The following STX5 variants were observed in gnomAD, a reference collection of about 807,000 sequenced individuals.
STX5 encodes syntaxin-5.
A neutral mutation model predicts 42.9 loss-of-function variants in STX5; 15 were observed. That is an observed-to-expected ratio of 0.35 (90% confidence interval 0.23 to 0.54). The LOEUF is 0.54. Ranked by LOEUF, STX5 falls within the 20% of genes least tolerant of loss-of-function variation. STX5 has a pLI of 0.91. For synonymous variants in STX5, 184 were observed against 173.2 expected, an observed-to-expected ratio of 1.06 and a Z score of -0.49; for missense variants, 430 against 455.0, an observed-to-expected ratio of 0.95 and a Z score of 0.50.
At chr11:62,829,293 G>A (rs1362004557) in intron 2 of STX5, among the ~76,000 whole-genome samples, 2 of 150,260 alleles carry the variant, frequency 1.3e-5, no homozygotes, top group Non-Finnish European at 3.0e-5. Flanking sequence ...GCATGGTGGC[G>A]CATGTCTGTA....
At chr11:62,824,375 G>A in intron 9 of STX5, 84 bp downstream of exon 9, 1 of 1,611,898 alleles carries the variant, frequency 6.2e-7, no homozygotes, top group Non-Finnish European at 8.5e-7. Context: ...TTGCCATTCT[G>A]CCCATGGCAC....
Position 62,807,264 on chromosome 11 carries a change from G to T in STX5, c.*205C>A, listed in dbSNP as rs11557825. On this transcript the variant is annotated 3_prime_UTR_variant, in exon 11 of 11. Transcript: ENST00000294179. ...AGAGTTCAAATCTAGAACCCTGTGT[G>T]TTTCATAGGCCTGAGGGTGGTGGGG... 1.5e-6 allele frequency: 1 copy of T among 688,962 alleles called. No homozygotes were observed. The highest frequency in any genetic ancestry group is 2.3e-6 in the Non-Finnish European group (1 of 439,550). 42.7% of individuals were successfully genotyped at this position (688,962 alleles called of 1,614,324 possible).
chr11:62,808,043 A>C (rs2084572361), intron 10 of STX5: 3 of 163,366 alleles, frequency 1.8e-5, no homozygotes, highest in African/African-American at 4.8e-5. Flanking sequence ...TGTAAGGGGA[A>C]AAATGTTCAC....
chr11:62,807,853 A>G, intron 10 of STX5: 3 of 764,412 alleles, frequency 3.9e-6, no homozygotes, highest in Non-Finnish European at 5.9e-6. Context: ...TCTAACTTCA[A>G]GCTTCATTTT....
intron 5 of STX5, among the ~76,000 whole-genome samples, chr11:62,826,305 C>T (rs1349836269): frequency 6.6e-6 from 1 of 151,288 alleles, no homozygotes; most frequent in Non-Finnish European, 1.5e-5. Flanking sequence ...CGCCTGTAAT[C>T]CCATCACTTT....
rs760423860 is a variant in STX5 at position 62,831,138 on chromosome 11, T to C, written c.106A>G (p.Ser36Gly). ...GGGGGGGGCAGAGGGGCGATGTCGCTGCTGCTACTGCCAGCAGTTGCAGGG... is the reference window on the plus strand; with the variant it reads ...GGGGGGGGCAGAGGGGCGATGTCGCCGCTGCTACTGCCAGCAGTTGCAGGG... ...LSPATAGSSS[S>G]DIAPLPPPVT... is the part of the protein sequence containing the mutation. The change falls in exon 2 of 11, where the codon AGC becomes GGC. Residue 36 changes from serine (S) to glycine (G), a missense_variant. Ser to Gly is a moderately conservative substitution (Grantham distance 56, BLOSUM62 0). Coordinates refer to ENST00000294179, the MANE Select transcript of STX5 (RefSeq NM_003164.5). The C allele has an allele frequency of 3.2e-6, 5 of 1,556,582 alleles. No individual in the cohort carries two copies. The South Asian group carries it at 4.7e-5, about 15-fold the overall frequency.
intron 10 of STX5, among the ~76,000 whole-genome samples, chr11:62,808,508 G>C (rs1183607337): frequency 6.6e-6 from 1 of 152,036 alleles, no homozygotes; most frequent in Non-Finnish European, 1.5e-5. Flanking sequence ...CAGCACTTTG[G>C]TAGGCCCAGG....
intron 10 of STX5, among the ~76,000 whole-genome samples, chr11:62,818,474 A>C (rs1174222688): frequency 2.6e-5 from 4 of 151,394 alleles, no homozygotes; most frequent in African/African-American, 7.3e-5. Flanking sequence ...AGGCACAAGA[A>C]TCACTTGAAT....
At chr11:62,814,010 A>AT (rs2084645744) in intron 10 of STX5, among the ~76,000 whole-genome samples, 1 of 151,862 alleles carries the variant, frequency 6.6e-6, no homozygotes, top group South Asian at 2.1e-4. Flanking sequence ...ACATACCTTT[A>AT]TTTTCTCTCA....
rs779072520 is a variant in STX5, at chr11:62,827,673, T to C, written c.226-42A>G. Reference sequence around the variant, plus strand: ...GGAGGTGACAACTTTAGTTCTCCCTTCCCCAGTTCCAGCTTTCACTCTTCC... The same window carrying C: ...GGAGGTGACAACTTTAGTTCTCCCTCCCCCAGTTCCAGCTTTCACTCTTCC... On this transcript the variant is annotated intron_variant, in intron 2 of 10. Coordinates refer to ENST00000294179, the MANE Select transcript of STX5 (RefSeq NM_003164.5). The C allele has an allele frequency of 6.2e-6, 10 of 1,608,566 alleles. No individual in the cohort carries two copies. The South Asian group carries it at 9.9e-5, about 16-fold the overall frequency.
At chr11:62,814,513 A>C (rs2084652075) in intron 10 of STX5, among the ~76,000 whole-genome samples, 1 of 149,956 alleles carries the variant, frequency 6.7e-6, no homozygotes, top group South Asian at 2.1e-4. Flanking sequence ...CCCAGGCTGG[A>C]GTGCAACGGC....
chr11:62,828,348 C>A (rs560602781), intron 2 of STX5, among the ~76,000 whole-genome samples: 3 of 152,074 alleles, frequency 2.0e-5, no homozygotes, highest in Non-Finnish European at 4.4e-5. Context: ...CCTAGGCTCA[C>A]GCAATCCTCC....
intron 10 of STX5, among the ~76,000 whole-genome samples, chr11:62,814,210 G>A (rs1398189773): frequency 6.6e-6 from 1 of 152,106 alleles, no homozygotes; most frequent in Non-Finnish European, 1.5e-5. Flanking sequence ...TTGTTGCTCA[G>A]GATGAAGTGC....
intron 10 of STX5, among the ~76,000 whole-genome samples, chr11:62,818,565 G>GAA (rs1307603732): frequency 4.3e-5 from 4 of 92,754 alleles, no homozygotes; most frequent in Non-Finnish European, 6.6e-5. Context: ...CTCTGTCTCA[G>GAA]AAAAAAAAAA....
intron 5 of STX5, among the ~76,000 whole-genome samples, 156 bp from the exon 6 acceptor site, chr11:62,825,695 T>G (rs189503079): frequency 5.3e-5 from 8 of 152,258 alleles, no homozygotes; most frequent in Non-Finnish European, 7.4e-5. Flanking sequence ...CTGCTAGGAT[T>G]TTCCAAGGTC....
rs762114304 is a variant in STX5, at chr11:62,824,493, CGA to C, written c.750_751del (p.Arg251AspfsTer9). The C allele has an allele frequency of 6.2e-7, 1 of 1,614,030 alleles. No individual in the cohort carries two copies. Among genetic ancestry groups the C allele is most frequent in the African/African-American group, 1.3e-5 (1 of 74,932 alleles). On this transcript the variant is annotated frameshift_variant, in exon 9 of 11. Transcript: ENST00000294179. LOFTEE classifies it high-confidence loss of function. ...AATGAGCTGCAGCTGCTGGCTGGTCCGAGAGTCCATCATGTCGATGGCGACAT... is the reference window on the plus strand; with the variant it reads ...AATGAGCTGCAGCTGCTGGCTGGTCCGAGTCCATCATGTCGATGGCGACAT...
chr11:62,819,492 T>TA (rs1189999408), intron 10 of STX5, among the ~76,000 whole-genome samples: 6 of 152,022 alleles, frequency 3.9e-5, no homozygotes, highest in African/African-American at 7.2e-5. Context: ...GTCTTCCTCT[T>TA]AATTTCTTTA....
rs566334753 is a variant in STX5 at position 62,814,362 on chromosome 11, T to C, written c.909-6734A>G. Among the ~76,000 whole-genome samples, 885 of 152,258 alleles carry C rather than the reference T, an allele frequency of 5.8e-3. 8 individuals are homozygous for C. The highest frequency in any genetic ancestry group is 7.8e-3 in the Non-Finnish European group (533 of 68,018). ...TTTTTGGCAGAGATGGGTTTCACCA[T>C]GTTGATCAGCCTGGTCTCGAACTCC... On this transcript the variant is annotated intron_variant, in intron 10 of 10. Coordinates refer to ENST00000294179, the MANE Select transcript of STX5 (RefSeq NM_003164.5).
rs1176053375 is a variant in STX5, at chr11:62,831,949, C to A, written c.-20+5G>T. Reference sequence around the variant, plus strand: ...GGCCAGATCCCCTCTTAAAGCGAATCTTACCTCCCCTCTGCCGCCTGCCGC... The same window carrying A: ...GGCCAGATCCCCTCTTAAAGCGAATATTACCTCCCCTCTGCCGCCTGCCGC... On this transcript the variant is annotated splice_donor_5th_base_variant and intron_variant, in intron 1 of 10. Coordinates refer to ENST00000294179, the MANE Select transcript of STX5 (RefSeq NM_003164.5). 1 of 459,562 alleles carries A rather than the reference C, an allele frequency of 2.2e-6. No individual in the cohort carries two copies. The highest frequency in any genetic ancestry group is 4.4e-6 in the Non-Finnish European group (1 of 229,404). 28.5% of individuals were successfully genotyped at this position (459,562 alleles called of 1,614,324 possible). A position where few individuals can be genotyped will look rare whatever the true frequency, so the allele number is the denominator to read the frequency against.
Sources: gnomAD v4.1 joint callset for allele counts (sites outside exome capture counted in the v4.1 genomes callset) on GRCh38, gnomAD v4.1.1 for gene constraint, MANE v1.5 for transcripts, NCBI Gene and HGNC (gene_info 2026-07-23, HGNC 2026-07-21) for gene names.